The following AKIRIN1 variants were observed in gnomAD, a reference collection of about 807,000 sequenced individuals.
AKIRIN1 encodes akirin 1, also known as akirin-1.
AKIRIN1 carries 4 observed loss-of-function variants against 25.9 expected under a neutral mutation model. The ratio of observed to expected loss-of-function variants is 0.15; its 90% CI spans 0.08 to 0.35. AKIRIN1 has a LOEUF of 0.35. Among genes scored for constraint, AKIRIN1 ranks in the 10% least tolerant of loss-of-function variants. The pLI is 1.00. For missense variants in AKIRIN1, 243 were observed against 266.1 expected (o/e 0.91, Z 0.61); for synonymous variants, 125 against 105.1 (o/e 1.19, Z -1.16).
Position 38,999,073 on chromosome 1 carries a change from G to A in AKIRIN1, c.361+762G>A, listed in dbSNP as rs576327035. Among the ~76,000 whole-genome samples, 12 of 152,220 alleles carry A rather than the reference G, an allele frequency of 7.9e-5. No individual in the cohort carries two copies. The South Asian group carries it at 1.9e-3, about 24-fold the overall frequency. Reference sequence around the variant, plus strand: ...ATGTGCTAAAAAATAGAATCTCAAGGTTGGAGACAGTCTTCATGGTCATGT... The same window carrying A: ...ATGTGCTAAAAAATAGAATCTCAAGATTGGAGACAGTCTTCATGGTCATGT... On this transcript the variant is annotated intron_variant, in intron 2 of 4. Coordinates refer to ENST00000432648, the MANE Select transcript of AKIRIN1 (RefSeq NM_024595.3).
chr1:39,000,092 C>T (rs1010636211), intron 2 of AKIRIN1, among the ~76,000 whole-genome samples: 5 of 151,782 alleles, frequency 3.3e-5, no homozygotes, highest in African/African-American at 7.3e-5. Flanking sequence ...CCATGTTGGC[C>T]GGGCTGGTCT....
intron 1 of AKIRIN1, among the ~76,000 whole-genome samples, chr1:38,995,624 G>C (rs1643941989): frequency 6.6e-6 from 1 of 152,230 alleles, no homozygotes; most frequent in Admixed American, 6.5e-5. Flanking sequence ...ACAGGAGGCA[G>C]AGGTTTATCA....
rs543797296 is a variant in AKIRIN1, at chr1:38,998,364, T to C, written c.361+53T>C. 3 of 1,531,054 alleles carry C rather than the reference T, an allele frequency of 2.0e-6. No homozygotes were observed. The South Asian group carries it at 3.7e-5, about 19-fold the overall frequency. 94.8% of individuals were successfully genotyped at this position (1,531,054 alleles called of 1,614,324 possible). ...GCATTAAGAGTTTGTAAATGGTACT[T>C]ATAATGATGAATCTAGAATTGGCCT... On this transcript the variant is annotated intron_variant, in intron 2 of 4. Transcript: ENST00000432648.
At position 39,005,348 on chromosome 1, in the gene AKIRIN1, G is replaced by A. The variant is rs1644026916; in HGVS notation, c.*1293G>A. ...ACATAGAATTTGGATCCTTTGGTCG[G>A]GTTCTCCCAAATTCTTTTGAGGTGT... On this transcript the variant is annotated 3_prime_UTR_variant, in exon 5 of 5. Transcript: ENST00000432648. The A allele has an allele frequency of 6.6e-6, 1 of 151,730 alleles. No individual in the cohort carries two copies. Among genetic ancestry groups the A allele is most frequent in the African/African-American group, 2.4e-5 (1 of 41,358 alleles). 9.4% of individuals were successfully genotyped at this position (151,730 alleles called of 1,614,324 possible).
Position 38,991,324 on chromosome 1 carries a change from G to C in AKIRIN1, c.-57G>C, listed in dbSNP as rs1205521123. The C allele has an allele frequency of 3.9e-6, 5 of 1,292,660 alleles. No homozygotes were observed. The highest frequency in any genetic ancestry group is 8.3e-5 in the Admixed American group (2 of 24,236). 80.1% of individuals were successfully genotyped at this position (1,292,660 alleles called of 1,614,324 possible). On this transcript the variant is annotated 5_prime_UTR_variant, in exon 1 of 5. Transcript: ENST00000432648. ...CTTGGCTGGCGAGCCCGGCTGAGGA[G>C]CCTCTTGGGCCGCACTTACCGCCGC...
chr1:38,997,564 GTGT>G (rs1344184724), intron 1 of AKIRIN1, among the ~76,000 whole-genome samples: 1 of 151,956 alleles, frequency 6.6e-6, no homozygotes, highest in Non-Finnish European at 1.5e-5. Flanking sequence ...AGATTTTGCT[GTGT>G]TGTTCAGGCT....
At chr1:38,998,998 A>G (rs1643968789) in intron 2 of AKIRIN1, among the ~76,000 whole-genome samples, 1 of 152,244 alleles carries the variant, frequency 6.6e-6, no homozygotes, top group African/African-American at 2.4e-5. Flanking sequence ...ATAATTGCAG[A>G]AAGCTCTGTT....
Position 38,991,596 on chromosome 1 carries a change from T to G in AKIRIN1, c.216T>G (p.Thr72=), listed in dbSNP as rs1570968756. 2 of 1,093,866 alleles carry G rather than the reference T, an allele frequency of 1.8e-6. No homozygotes were observed. Among genetic ancestry groups the G allele is most frequent in the Non-Finnish European group, 2.2e-6 (2 of 899,414 alleles). The allele number at this position is 1,093,866 out of a possible 1,614,324, so 67.8% of individuals were successfully genotyped here. A position where few individuals can be genotyped will look rare whatever the true frequency, so the allele number is the denominator to read the frequency against. The change falls in exon 1 of 5, where the codon ACT becomes ACG. Residue 72 remains threonine (T), a synonymous_variant. Coordinates refer to ENST00000432648, the MANE Select transcript of AKIRIN1 (RefSeq NM_024595.3). ...APPGSERRLP[T]PEQIFQNIKQ... ...CCGGCAGCGAGCGGCGCCTTCCAAC[T>G]CCGGGTAACCTGCCCTGCTCTGGGT...
intron 1 of AKIRIN1, among the ~76,000 whole-genome samples, chr1:38,994,598 C>A (rs1643932984): frequency 6.6e-6 from 1 of 151,212 alleles, no homozygotes; most frequent in African/African-American, 2.4e-5. Flanking sequence ...CGCCGTCTCC[C>A]ATGTTCAAGC....
chr1:38,991,361 G>A lies in AKIRIN1; in HGVS notation c.-20G>A. Reference sequence around the variant, plus strand: ...GCACTTACCGCCGCGTCCGCTCCCGGTCCCTGGCCCCTCAGCGGCATGGCG... The same window carrying A: ...GCACTTACCGCCGCGTCCGCTCCCGATCCCTGGCCCCTCAGCGGCATGGCG... On this transcript the variant is annotated 5_prime_UTR_variant, in exon 1 of 5. Transcript: ENST00000432648. The A allele has an allele frequency of 1.5e-6, 2 of 1,339,648 alleles. No individual in the cohort carries two copies. Among genetic ancestry groups the A allele is most frequent in the African/African-American group, 1.5e-5 (1 of 65,284 alleles). The allele number at this position is 1,339,648 out of a possible 1,614,324, so 83.0% of individuals were successfully genotyped here.
At chr1:38,993,601 A>G (rs1166574270) in intron 1 of AKIRIN1, among the ~76,000 whole-genome samples, 1 of 149,888 alleles carries the variant, frequency 6.7e-6, no homozygotes, top group Non-Finnish European at 1.5e-5. Flanking sequence ...ATTGCGCTCC[A>G]GCCTGGGCCA....
chr1:38,999,779 G>A (rs1472840632), intron 2 of AKIRIN1, among the ~76,000 whole-genome samples: 1 of 152,222 alleles, frequency 6.6e-6, no homozygotes, highest in Admixed American at 6.5e-5. Flanking sequence ...GCTAACAAAT[G>A]GCCAAAGAAA....
chr1:39,004,015 C>A, intron 4 of AKIRIN1, 30 bp from the exon 5 acceptor site: 2 of 1,593,064 alleles, frequency 1.3e-6, no homozygotes, highest in East Asian at 2.2e-5. Flanking sequence ...AGTATTCTTA[C>A]CCTTTTTGTT....
At chr1:38,993,216 C>CT (rs1380986760) in intron 1 of AKIRIN1, among the ~76,000 whole-genome samples, 2 of 152,098 alleles carry the variant, frequency 1.3e-5, no homozygotes, top group African/African-American at 4.8e-5. Context: ...ATCCTCTAGA[C>CT]TAATTTGGTT....
intron 2 of AKIRIN1, among the ~76,000 whole-genome samples, chr1:38,998,887 G>GT (rs1021265118): frequency 4.7e-5 from 7 of 149,056 alleles, no homozygotes; most frequent in African/African-American, 1.7e-4. Flanking sequence ...AAAAAAAAAA[G>GT]TTTTTTTAAA....
At chr1:38,998,010 G>A (rs1403618543) in intron 1 of AKIRIN1, among the ~76,000 whole-genome samples, 161 bp from the exon 2 acceptor site, 1 of 152,068 alleles carries the variant, frequency 6.6e-6, no homozygotes, top group African/African-American at 2.4e-5. Flanking sequence ...CGGTATAAAC[G>A]TTTTGCTTGT....
chr1:38,994,129 C>T (rs994888198), intron 1 of AKIRIN1, among the ~76,000 whole-genome samples: 1 of 151,408 alleles, frequency 6.6e-6, no homozygotes, highest in African/African-American at 2.4e-5. Flanking sequence ...CGAAATGCTG[C>T]AAAGTCTGAA....
rs768516800 is a variant in AKIRIN1, at chr1:39,001,283, C to CT, written c.496+197dup. On this transcript the variant is annotated intron_variant, in intron 3 of 4. Coordinates refer to ENST00000432648, the MANE Select transcript of AKIRIN1 (RefSeq NM_024595.3). Reference sequence around the variant, plus strand: ...ATCATTTATACATTATATGGAAGGACTTTTTTTTTTTTTTTTTTTTGGGAC... The same window carrying CT: ...ATCATTTATACATTATATGGAAGGACTTTTTTTTTTTTTTTTTTTTTGGGAC... Among the ~76,000 whole-genome samples, 1,082 of 116,498 alleles carry CT rather than the reference C, an allele frequency of 9.3e-3. 18 individuals carry two copies. Among genetic ancestry groups the CT allele is most frequent in the African/African-American group, 0.023 (712 of 31,504 alleles). The allele number at this position is 116,498 out of a possible 152,430, so 76.4% of individuals were successfully genotyped here.
chr1:39,004,154 C>T lies in AKIRIN1; in HGVS notation c.*99C>T. On this transcript the variant is annotated 3_prime_UTR_variant, in exon 5 of 5. Transcript: ENST00000432648. ...ATGTCACATTTCAGCTCCAACTTTG[C>T]ATCCTGAGAACACTTAAACGTTTCT... 7.5e-7 allele frequency: 1 copy of T among 1,333,358 alleles called. No individual in the cohort carries two copies. The highest frequency in any genetic ancestry group is 1.1e-6 in the Non-Finnish European group (1 of 924,762). 82.6% of individuals were successfully genotyped at this position (1,333,358 alleles called of 1,614,324 possible).
Sources: gnomAD v4.1 joint callset for allele counts (sites outside exome capture counted in the v4.1 genomes callset) on GRCh38, gnomAD v4.1.1 for gene constraint, MANE v1.5 for transcripts, NCBI Gene and HGNC (gene_info 2026-07-23, HGNC 2026-07-21) for gene names.